The following XPR1 variants were observed in gnomAD, a reference collection of about 807,000 sequenced individuals.
XPR1 encodes solute carrier family 53 member 1.
Under a neutral mutation model 87.5 loss-of-function variants are expected in XPR1, and 28 were observed. The observed-to-expected ratio is 0.32, with a 90% CI of 0.24 to 0.44. XPR1 has a LOEUF of 0.44. XPR1 is among the 20% of genes least tolerant of loss of function. XPR1 has a pLI of 1.00. For missense variants in XPR1, 559 were observed against 862.3 expected, an observed-to-expected ratio of 0.65 and a Z score of 4.41; for synonymous variants, 300 against 306.1, an observed-to-expected ratio of 0.98 and a Z score of 0.21.
intron 7 of XPR1, among the ~76,000 whole-genome samples, chr1:180,823,485 C>G (rs1650713218): frequency 6.6e-6 from 1 of 151,866 alleles, no homozygotes; most frequent in South Asian, 2.1e-4. Flanking sequence ...GTAGAGGGAA[C>G]AACATAAGTA....
chr1:180,857,662 T>A (rs12076958), intron 11 of XPR1, among the ~76,000 whole-genome samples: 6,535 of 152,144 alleles, frequency 0.043, 494 homozygotes, highest in African/African-American at 0.15. Context: ...ACATTGTGTT[T>A]TTGACTAAAT....
chr1:180,723,586 G>A (rs912002233), intron 2 of XPR1, among the ~76,000 whole-genome samples: 1 of 152,112 alleles, frequency 6.6e-6, no homozygotes, highest in Non-Finnish European at 1.5e-5. Flanking sequence ...CATCTGGTTA[G>A]AGACTAGATG....
In XPR1 at chr1:180,866,105, G is replaced by A. The variant is rs568804382; in HGVS notation, c.1668+2231G>A. Among the ~76,000 whole-genome samples the A allele has an allele frequency of 2.1e-3, 325 of 152,176 alleles. 2 individuals carry two copies. The highest frequency in any genetic ancestry group is 7.3e-3 in the African/African-American group (305 of 41,524). On this transcript the variant is annotated intron_variant, in intron 12 of 14. Transcript: ENST00000367590. ...CACACGCCTGTAGCCCCAGCTACTC[G>A]GGATGCTGAGGCAGGAGGATCACTT...
At chr1:180,718,772 G>GAT (rs1658083218) in intron 2 of XPR1, among the ~76,000 whole-genome samples, 1 of 151,406 alleles carries the variant, frequency 6.6e-6, no homozygotes, top group Non-Finnish European at 1.5e-5. Flanking sequence ...GGGTTCAAGC[G>GAT]ATTCTCCTGC....
intron 7 of XPR1, among the ~76,000 whole-genome samples, chr1:180,823,564 G>T (rs1291442744): frequency 1.3e-5 from 2 of 152,166 alleles, no homozygotes; most frequent in Admixed American, 6.5e-5. Context: ...TATTTTAGGG[G>T]TGCTGCGAGA....
chr1:180,874,139 C>G, intron 13 of XPR1, 197 bp downstream of exon 13: 2 of 567,478 alleles, frequency 3.5e-6, no homozygotes, highest in East Asian at 6.6e-5. Context: ...AGTTGATCCA[C>G]CCACCTCGGC....
At chr1:180,649,680 G>A (rs1226313396) in intron 1 of XPR1, among the ~76,000 whole-genome samples, 2 of 152,144 alleles carry the variant, frequency 1.3e-5, no homozygotes, top group Non-Finnish European at 2.9e-5. Flanking sequence ...GAGGAAGTGG[G>A]CTAGAGATCC....
chr1:180,865,348 G>A (rs1652353292), intron 12 of XPR1, among the ~76,000 whole-genome samples: 1 of 151,490 alleles, frequency 6.6e-6, no homozygotes, highest in Admixed American at 6.6e-5. Flanking sequence ...AAATATGTGT[G>A]TTTTATTTCT....
intron 2 of XPR1, among the ~76,000 whole-genome samples, chr1:180,741,945 A>T (rs978151289): frequency 2.0e-5 from 3 of 152,068 alleles, no homozygotes; most frequent in Non-Finnish European, 4.4e-5. Flanking sequence ...AGTTGTTTGT[A>T]GTTTTCTCAG....
At chr1:180,679,817 A>G (rs969301338) in intron 1 of XPR1, among the ~76,000 whole-genome samples, 2 of 152,228 alleles carry the variant, frequency 1.3e-5, no homozygotes, top group South Asian at 4.1e-4. Context: ...AAAATGCTTT[A>G]GGACATTGGT....
intron 2 of XPR1, among the ~76,000 whole-genome samples, chr1:180,705,271 G>C (rs577518577): frequency 1.3e-5 from 2 of 152,272 alleles, no homozygotes; most frequent in African/African-American, 4.8e-5. Context: ...GCCAATTCGT[G>C]TTTCCTGATG....
intron 3 of XPR1, among the ~76,000 whole-genome samples, chr1:180,794,027 C>T (rs1263100125): frequency 6.6e-6 from 1 of 152,026 alleles, no homozygotes; most frequent in African/African-American, 2.4e-5. Flanking sequence ...AATTGTAGGT[C>T]ACAACCCAAT....
intron 1 of XPR1, among the ~76,000 whole-genome samples, chr1:180,663,272 T>C (rs1028861942): frequency 1.3e-5 from 2 of 152,232 alleles, no homozygotes; most frequent in African/African-American, 4.8e-5. Flanking sequence ...CTTCTTGCAA[T>C]GGCTTTCCAG....
intron 1 of XPR1, among the ~76,000 whole-genome samples, chr1:180,646,515 G>A (rs1159643970): frequency 1.3e-5 from 2 of 152,072 alleles, no homozygotes; most frequent in Non-Finnish European, 2.9e-5. Context: ...CATATACAAA[G>A]CTGGCTTGGA....
intron 11 of XPR1, among the ~76,000 whole-genome samples, chr1:180,839,616 A>G (rs549690763): frequency 6.6e-6 from 1 of 152,314 alleles, no homozygotes; most frequent in South Asian, 2.1e-4. Flanking sequence ...GGGGCCTGCA[A>G]ATGAAATTGA....
chr1:180,853,652 C>G (rs1651940046), intron 11 of XPR1, among the ~76,000 whole-genome samples: 1 of 151,590 alleles, frequency 6.6e-6, no homozygotes, highest in Admixed American at 6.6e-5. Flanking sequence ...CACACACACA[C>G]ACACACACAC....
At chr1:180,689,182 A>G (rs1352618236) in intron 2 of XPR1, among the ~76,000 whole-genome samples, 3 of 152,168 alleles carry the variant, frequency 2.0e-5, no homozygotes, top group Admixed American at 6.5e-5. Context: ...AGATTTGTGC[A>G]TTCTGAGACC....
At chr1:180,647,887 T>C (rs1571675553) in intron 1 of XPR1, among the ~76,000 whole-genome samples, 2 of 119,998 alleles carry the variant, frequency 1.7e-5, no homozygotes, top group African/African-American at 6.8e-5. Flanking sequence ...GGTGACAGAG[T>C]GAGACTCTTA....
intron 3 of XPR1, among the ~76,000 whole-genome samples, chr1:180,801,224 C>T (rs1395710367): frequency 2.0e-5 from 3 of 152,228 alleles, no homozygotes; most frequent in Admixed American, 6.5e-5. Flanking sequence ...TCCTGGCCTT[C>T]ACTGGGGAGT....
Sources: gnomAD v4.1 joint callset for allele counts (sites outside exome capture counted in the v4.1 genomes callset) on GRCh38, gnomAD v4.1.1 for gene constraint, MANE v1.5 for transcripts, NCBI Gene and HGNC (gene_info 2026-07-23, HGNC 2026-07-21) for gene names.